Variants in PLXDC2 observed in about 807,000 individuals in gnomAD.
PLXDC2 encodes plexin domain-containing protein 2.
PLXDC2 carries 40 observed loss-of-function variants against 68.9 expected under a neutral mutation model. The ratio of observed to expected loss-of-function variants is 0.58; its 90% confidence interval spans 0.45 to 0.76. PLXDC2 has a LOEUF of 0.76. Among genes scored for constraint, PLXDC2 ranks in the 30% least tolerant of loss-of-function variants. The probability of loss-of-function intolerance (pLI) is 0.00; values close to 1 mark genes in which losing one functional copy is unlikely to be tolerated. For synonymous variants in PLXDC2, 243 were observed against 234.2 expected (o/e 1.04, Z -0.34); for missense variants, 644 against 661.9 (o/e 0.97, Z 0.30).
intron 4 of PLXDC2, among the ~76,000 whole-genome samples, chr10:20,119,362 AG>A (rs921501085): frequency 2.7e-5 from 4 of 148,376 alleles, no homozygotes; most frequent in Non-Finnish European, 4.5e-5. Context: ...TAAAGGAAAA[AG>A]GGGGTTGTTC....
intron 9 of PLXDC2, among the ~76,000 whole-genome samples, chr10:20,206,592 C>T (rs929480138): frequency 6.6e-6 from 1 of 152,032 alleles, no homozygotes; most frequent in Non-Finnish European, 1.5e-5. Flanking sequence ...AGAGCATGGG[C>T]TACAGGAGTG....
chr10:19,951,119 A>T (rs141537892), intron 1 of PLXDC2, among the ~76,000 whole-genome samples: 55 of 152,280 alleles, frequency 3.6e-4, no homozygotes, highest in Non-Finnish European at 2.6e-4. Flanking sequence ...CTCAGAAGCA[A>T]TTGCAACAAA....
At chr10:20,010,903 G>A (rs1409323374) in intron 2 of PLXDC2, among the ~76,000 whole-genome samples, 1 of 152,134 alleles carries the variant, frequency 6.6e-6, no homozygotes, top group African/African-American at 2.4e-5. Context: ...TAGTGACAGT[G>A]ATAGGTGAAT....
At chr10:20,046,386 T>C (rs370509946) in intron 2 of PLXDC2, among the ~76,000 whole-genome samples, 1 of 152,114 alleles carries the variant, frequency 6.6e-6, no homozygotes, top group East Asian at 1.9e-4. Flanking sequence ...TTTTTAAATA[T>C]GCAAAACATT....
intron 1 of PLXDC2, among the ~76,000 whole-genome samples, chr10:19,820,609 C>T (rs1292929620): frequency 6.7e-6 from 1 of 149,676 alleles, no homozygotes; most frequent in African/African-American, 2.5e-5. Flanking sequence ...AGTCCGCAGT[C>T]CGGCCTGGGC....
At chr10:19,887,353 T>C (rs1837866865) in intron 1 of PLXDC2, among the ~76,000 whole-genome samples, 1 of 152,112 alleles carries the variant, frequency 6.6e-6, no homozygotes. Flanking sequence ...AAACCCTGTC[T>C]CTACTAAAAA....
At chr10:20,024,950 T>C (rs1241371575) in intron 2 of PLXDC2, among the ~76,000 whole-genome samples, 1 of 152,202 alleles carries the variant, frequency 6.6e-6, no homozygotes, top group Non-Finnish European at 1.5e-5. Flanking sequence ...TAGCACATTT[T>C]CTTTATCCAA....
At chr10:20,181,503 C>T (rs1219010132) in intron 9 of PLXDC2, among the ~76,000 whole-genome samples, 2 of 151,944 alleles carry the variant, frequency 1.3e-5, no homozygotes, top group South Asian at 2.1e-4. Context: ...CTTGACTCGG[C>T]GGCCAGGAAA....
intron 4 of PLXDC2, among the ~76,000 whole-genome samples, chr10:20,097,914 T>C (rs1186507369): frequency 6.7e-6 from 1 of 148,590 alleles, no homozygotes; most frequent in Non-Finnish European, 1.5e-5. Context: ...TATATTTATA[T>C]AGCATTATAT....
intron 1 of PLXDC2, among the ~76,000 whole-genome samples, chr10:19,929,117 G>A (rs1027066368): frequency 4.0e-5 from 6 of 151,716 alleles, no homozygotes; most frequent in African/African-American, 4.8e-5. Context: ...GTTGGCTCAC[G>A]CCTCTAATCC....
intron 3 of PLXDC2, among the ~76,000 whole-genome samples, chr10:20,056,459 C>G (rs896907223): frequency 2.0e-5 from 3 of 152,136 alleles, no homozygotes; most frequent in Non-Finnish European, 2.9e-5. Context: ...ATTCCTTAAG[C>G]CCACCTAATA....
At chr10:20,071,041 A>C in intron 4 of PLXDC2, 1 of 151,908 alleles carries the variant, frequency 6.6e-6, no homozygotes, top group East Asian at 1.9e-4. Flanking sequence ...ATGTAAAGAC[A>C]CTCCTTTTGT....
intron 1 of PLXDC2, among the ~76,000 whole-genome samples, chr10:19,949,960 CTG>C (rs1589552275): frequency 6.6e-6 from 1 of 152,176 alleles, no homozygotes; most frequent in East Asian, 1.9e-4. Context: ...GATGGGAAGA[CTG>C]TCTTTCAAAG....
At chr10:20,026,254 A>G (rs1294657025) in intron 2 of PLXDC2, among the ~76,000 whole-genome samples, 1 of 152,014 alleles carries the variant, frequency 6.6e-6, no homozygotes, top group African/African-American at 2.4e-5. Context: ...CTGGCTATAT[A>G]TTTCTTAAAA....
chr10:20,258,247 C>T (rs1394736743), intron 13 of PLXDC2, among the ~76,000 whole-genome samples: 5 of 151,920 alleles, frequency 3.3e-5, no homozygotes, highest in African/African-American at 9.7e-5. Context: ...GTGACCCGCC[C>T]GCCTCGGCTT....
intron 2 of PLXDC2, among the ~76,000 whole-genome samples, chr10:20,028,502 T>C (rs565091289): frequency 2.6e-5 from 4 of 152,320 alleles, no homozygotes; most frequent in South Asian, 4.1e-4. Context: ...GAATCAATGG[T>C]ATTATTTTCC....
intron 3 of PLXDC2, among the ~76,000 whole-genome samples, chr10:20,055,251 G>T (rs980516099): frequency 6.6e-6 from 1 of 152,044 alleles, no homozygotes; most frequent in African/African-American, 2.4e-5. Context: ...AAAAAATTAA[G>T]TTTTCTGGAG....
chr10:20,204,340 C>T (rs548714225), intron 9 of PLXDC2, among the ~76,000 whole-genome samples: 1 of 152,190 alleles, frequency 6.6e-6, no homozygotes, highest in South Asian at 2.1e-4. Flanking sequence ...CTACCAGTTA[C>T]CTATTTTATG....
chr10:19,876,197 C>T (rs1837628014), intron 1 of PLXDC2, among the ~76,000 whole-genome samples: 1 of 152,122 alleles, frequency 6.6e-6, no homozygotes, highest in Admixed American at 6.5e-5. Context: ...TTTGGGATTG[C>T]AGAGTAAGAG....
Sources: gnomAD v4.1 joint callset for allele counts (sites outside exome capture counted in the v4.1 genomes callset) on GRCh38, gnomAD v4.1.1 for gene constraint, MANE v1.5 for transcripts, NCBI Gene and HGNC (gene_info 2026-07-23, HGNC 2026-07-21) for gene names.